The following TDRD5 variants were observed in gnomAD, a reference collection of about 807,000 sequenced individuals.
TDRD5 encodes the protein tudor domain containing 5.
Under a neutral mutation model 120.6 loss-of-function variants are expected in TDRD5, and 41 were observed. The ratio of observed to expected loss-of-function variants is 0.34; its 90% CI spans 0.26 to 0.44. The LOEUF (loss-of-function observed/expected upper bound fraction) is 0.44, where lower values mean the gene tolerates loss of function less well. Among genes scored for constraint, TDRD5 ranks in the 20% least tolerant of loss-of-function variants. The pLI, the probability that TDRD5 is intolerant of heterozygous loss-of-function variation, is 1.00. For missense variants in TDRD5, 1,006 were observed against 1,221.2 expected, an observed-to-expected ratio of 0.82 and a Z score of 2.63; for synonymous variants, 430 against 433.7, an observed-to-expected ratio of 0.99 and a Z score of 0.11.
chr1:179,661,665 TCTAAGTCCTGCTTACACAG>T (rs1258971313), intron 14 of TDRD5, among the ~76,000 whole-genome samples: 5 of 152,206 alleles, frequency 3.3e-5, no homozygotes, highest in African/African-American at 1.2e-4. Context: ...TATCTGGAGA[TCTAAGTCCTGCTTACACAG>T]ACTTTCAGCC....
chr1:179,634,641 T>G lies in TDRD5; in HGVS notation c.1299+12T>G. 6.3e-7 allele frequency: 1 copy of G among 1,598,938 alleles called. No individual in the cohort carries two copies. The highest frequency in any genetic ancestry group is 8.5e-7 in the Non-Finnish European group (1 of 1,176,116). Reference sequence around the variant, plus strand: ...AGCCTTTACAGCTGGTGAGTGAGGTTTAAAGACTGTGCACTGGAGATTCAG... The same window carrying G: ...AGCCTTTACAGCTGGTGAGTGAGGTGTAAAGACTGTGCACTGGAGATTCAG... On this transcript the variant is annotated intron_variant, in intron 8 of 17. Transcript: ENST00000444136.
intron 9 of TDRD5, among the ~76,000 whole-genome samples, 173 bp downstream of exon 9, chr1:179,636,060 G>A (rs1351365253): frequency 2.6e-5 from 4 of 152,112 alleles, no homozygotes; most frequent in African/African-American, 9.7e-5. Context: ...TAATTCTCGT[G>A]TTAATATAAG....
rs775899445 is a variant in TDRD5, at chr1:179,640,040, G to T, written c.1722G>T (p.Leu574=). ...GNIGIVQKSS[L]RFLKCCYTKL... is the part of the protein sequence containing the mutation. ...TTGGAATTGTTCAGAAGTCCTCCCTGAGGTTCCTCAAGTGAGTTGAATTGA... is the reference window on the plus strand; with the variant it reads ...TTGGAATTGTTCAGAAGTCCTCCCTTAGGTTCCTCAAGTGAGTTGAATTGA... Residue 574 remains leucine (L), a synonymous_variant, in exon 10 of 18, where the codon CTG becomes CTT. Transcript: ENST00000444136. 6.8e-6 allele frequency: 11 copies of T among 1,614,072 alleles called. No homozygotes were observed. The East Asian group carries it at 2.5e-4, about 36-fold the overall frequency.
chr1:179,669,270 C>T lies in TDRD5; in HGVS notation c.2726C>T (p.Ser909Leu). Residue 909 changes from serine to leucine, a missense_variant, in exon 17 of 18, where the codon TCA becomes TTA. This residue lies in a region of TDRD5 where 403 missense variants were observed against 448.1 expected (regional missense o/e 0.90). Coordinates refer to ENST00000444136, the MANE Select transcript of TDRD5 (RefSeq NM_001199085.3). ...LEEFCTSLTQ[S>L]EQSADGSQSE... is the part of the protein sequence containing the mutation. ...GAATTCTGTACCTCTCTTACCCAGTCAGAGCAGTCAGCAGACGGGAGCCAG... is the reference window on the plus strand; with the variant it reads ...GAATTCTGTACCTCTCTTACCCAGTTAGAGCAGTCAGCAGACGGGAGCCAG... 6.2e-7 allele frequency: 1 copy of T among 1,614,130 alleles called. No individual in the cohort carries two copies. The highest frequency in any genetic ancestry group is 8.5e-7 in the Non-Finnish European group (1 of 1,180,030).
At chr1:179,643,038 T>C (rs934959599) in intron 11 of TDRD5, among the ~76,000 whole-genome samples, 2 of 152,138 alleles carry the variant, frequency 1.3e-5, no homozygotes, top group Admixed American at 6.5e-5. Context: ...AATGGATGAG[T>C]TCCCAAATCA....
intron 14 of TDRD5, among the ~76,000 whole-genome samples, chr1:179,657,252 T>C (rs1679055057): frequency 6.6e-6 from 1 of 152,186 alleles, no homozygotes; most frequent in Non-Finnish European, 1.5e-5. Flanking sequence ...ATGAACATGG[T>C]GTATCTCCCC....
At chr1:179,642,280 T>G (rs546547557) in intron 11 of TDRD5, among the ~76,000 whole-genome samples, 1 of 152,056 alleles carries the variant, frequency 6.6e-6, no homozygotes, top group East Asian at 1.9e-4. Context: ...TTTTTATTTT[T>G]GTAGAGGTGG....
chr1:179,601,573 G>A (rs1675715580), intron 4 of TDRD5, among the ~76,000 whole-genome samples: 1 of 152,088 alleles, frequency 6.6e-6, no homozygotes, highest in African/African-American at 2.4e-5. Context: ...TCTCATCAAG[G>A]TCACAGCAAA....
chr1:179,666,058 T>C (rs1679539505), intron 16 of TDRD5, among the ~76,000 whole-genome samples: 1 of 152,202 alleles, frequency 6.6e-6, no homozygotes, highest in African/African-American at 2.4e-5. Flanking sequence ...TTGTTTTTCA[T>C]CCCCTATGTA....
chr1:179,634,203 T>C (rs1312326811), intron 7 of TDRD5, among the ~76,000 whole-genome samples: 1 of 151,876 alleles, frequency 6.6e-6, no homozygotes, highest in Non-Finnish European at 1.5e-5. Context: ...AGAAACCTTA[T>C]CAGATCACAA....
In TDRD5 at chr1:179,592,584, C is replaced by T. The variant is rs1447348424; in HGVS notation, c.-14-18C>T. The T allele has an allele frequency of 1.0e-5, 16 of 1,597,410 alleles. No homozygotes were observed. The highest frequency in any genetic ancestry group is 1.2e-5 in the Non-Finnish European group (14 of 1,166,666). ...CGTGGGTTTGCCCCCTTTTCCTCAG[C>T]TGCGTTTCTGTCTTCAGTCCTGTAG... On this transcript the variant is annotated intron_variant, in intron 1 of 17. Transcript: ENST00000444136.
chr1:179,607,274 C>T (rs1167178314), intron 4 of TDRD5, among the ~76,000 whole-genome samples: 1 of 152,014 alleles, frequency 6.6e-6, no homozygotes, highest in Non-Finnish European at 1.5e-5. Flanking sequence ...GTACATTAAC[C>T]TTGCATCCTG....
chr1:179,659,845 G>A (rs2102091433), intron 14 of TDRD5, among the ~76,000 whole-genome samples: 1 of 151,528 alleles, frequency 6.6e-6, no homozygotes, highest in East Asian at 2.0e-4. Flanking sequence ...TTACAGGTGT[G>A]CGCCCCATGC....
chr1:179,611,661 A>C (rs1676280863), intron 4 of TDRD5, among the ~76,000 whole-genome samples: 1 of 152,158 alleles, frequency 6.6e-6, no homozygotes, highest in Non-Finnish European at 1.5e-5. Flanking sequence ...TAGCAGGAAG[A>C]CTCTGCCTTT....
At chr1:179,592,299 A>C (rs892567836) in intron 1 of TDRD5, 174 bp downstream of exon 1, 1 of 298,096 alleles carries the variant, frequency 3.4e-6, no homozygotes, top group South Asian at 3.7e-5. Flanking sequence ...GTTCCCGAGG[A>C]GCCCCTGAAG....
At chr1:179,593,996 G>C (rs960937492) in intron 3 of TDRD5, 129 bp downstream of exon 3, 7 of 1,178,368 alleles carry the variant, frequency 5.9e-6, no homozygotes, top group Admixed American at 2.8e-5. Context: ...CAGGCGAACT[G>C]TTCAATCTAC....
chr1:179,689,783 C>T (rs1212801459), intron 17 of TDRD5, among the ~76,000 whole-genome samples: 1 of 152,198 alleles, frequency 6.6e-6, no homozygotes, highest in Non-Finnish European at 1.5e-5. Context: ...TCACTGCCAC[C>T]TTGCAGTTCA....
At chr1:179,677,046 T>TA (rs1212359267) in intron 17 of TDRD5, among the ~76,000 whole-genome samples, 1 of 152,168 alleles carries the variant, frequency 6.6e-6, no homozygotes, top group East Asian at 1.9e-4. Context: ...TTCATTTTTT[T>TA]AAATTATTTT....
chr1:179,689,380 C>T (rs1256263156), intron 17 of TDRD5, among the ~76,000 whole-genome samples: 9 of 152,182 alleles, frequency 5.9e-5, no homozygotes, highest in African/African-American at 2.4e-5. Flanking sequence ...TATTGCAGAA[C>T]GGCAAATGTT....
Sources: allele counts gnomAD v4.1 joint callset (sites outside exome capture counted in the v4.1 genomes callset), GRCh38; gene constraint gnomAD v4.1.1; regional missense constraint gnomAD v4.1.1; transcripts MANE v1.5; gene names NCBI Gene and HGNC (gene_info 2026-07-23, HGNC 2026-07-21).